DCP2: variants seen among roughly 807,000 people sequenced by gnomAD.
DCP2 encodes the protein decapping mRNA 2.
DCP2 carries 30 observed loss-of-function variants against 56.1 expected under a neutral mutation model. The ratio of observed to expected loss-of-function variants is 0.53; its 90% CI spans 0.40 to 0.73. The LOEUF is 0.73. Ranked by LOEUF, DCP2 falls within the 30% of genes least tolerant of loss-of-function variation. DCP2 has a pLI of 0.00. For missense variants in DCP2, 533 were observed against 502.7 expected (o/e 1.06, Z -0.58); for synonymous variants, 197 against 163.3 (o/e 1.21, Z -1.57).
rs546347855 is a variant in DCP2, at chr5:113,002,306, C to T, written c.806+632C>T. ...GGCGTGGTGGCAGGCACCTGTAATC[C>T]CAGCTTCTCGGGAGGCTGAGGCAGG... On this transcript the variant is annotated intron_variant, in intron 7 of 10. Transcript: ENST00000389063. Among the ~76,000 whole-genome samples, 413 of 151,852 alleles carry T rather than the reference C, an allele frequency of 2.7e-3. 1 individual carries two copies. Among genetic ancestry groups the T allele is most frequent in the Non-Finnish European group, 5.2e-3 (356 of 67,952 alleles).
At position 113,003,768 on chromosome 5, in the gene DCP2, G is replaced by GA. The variant is rs139676099; in HGVS notation, c.807-173dup. Reference sequence around the variant, plus strand: ...TTGAATACCAGGCACTCATCTGGGTGATGAGGATAAAGCAGTGCAGATTAA... The same window carrying GA: ...TTGAATACCAGGCACTCATCTGGGTGAATGAGGATAAAGCAGTGCAGATTAA... On this transcript the variant is annotated intron_variant, in intron 7 of 10. Coordinates refer to ENST00000389063, the MANE Select transcript of DCP2 (RefSeq NM_152624.6). 6.2e-4 allele frequency among the ~76,000 whole-genome samples: 94 copies of GA among 152,298 alleles called. 1 individual carries two copies. The highest frequency in any genetic ancestry group is 2.2e-3 in the African/African-American group (91 of 41,560).
intron 2 of DCP2, among the ~76,000 whole-genome samples, chr5:112,988,291 GC>G (rs1561688358): frequency 1.3e-5 from 2 of 149,798 alleles, no homozygotes; most frequent in African/African-American, 4.9e-5. Flanking sequence ...GACCATCCTG[GC>G]CAACACAGTA....
chr5:113,001,667 A>T lies in DCP2; in HGVS notation c.799A>T (p.Lys267Ter). The T allele has an allele frequency of 6.2e-7, 1 of 1,613,218 alleles. No individual in the cohort carries two copies. Among genetic ancestry groups the T allele is most frequent in the Non-Finnish European group, 8.5e-7 (1 of 1,179,144 alleles). The change falls in exon 7 of 11, where the codon AAA becomes TAA. Residue 267 changes from lysine (K) to a stop codon, truncating the protein, a stop_gained. Transcript: ENST00000389063. LOFTEE classifies it high-confidence loss of function. ...GSTPAKPTVEKLSRTKFRHSQ... is the reference protein window; with the variant it reads ...GSTPAKPTVE The stretch of plus-strand genomic sequence containing the variant: ...CACGCCGGCTAAACCCACTGTGGAA[A>T]AATTGAGGTAAAGAAATACATTCAT...
In DCP2 at chr5:112,976,827, G is replaced by C. The variant is rs751350271; in HGVS notation, c.-107G>C. 1.1e-5 allele frequency: 13 copies of C among 1,145,382 alleles called. No homozygotes were observed. The highest frequency in any genetic ancestry group is 1.7e-5 in the Non-Finnish European group (13 of 752,116). The allele number at this position is 1,145,382 out of a possible 1,614,324, so 71.0% of individuals were successfully genotyped here. ...TCTCCGTTGGAGTCGTCTCTGCCGC[G>C]GCTTCCTCGGCTGCCAGCTCTCCGG... On this transcript the variant is annotated 5_prime_UTR_variant, in exon 1 of 11. Coordinates refer to ENST00000389063, the MANE Select transcript of DCP2 (RefSeq NM_152624.6).
At chr5:113,009,202 A>G (rs1046626767) in intron 9 of DCP2, among the ~76,000 whole-genome samples, 1 of 152,236 alleles carries the variant, frequency 6.6e-6, no homozygotes, top group African/African-American at 2.4e-5. Flanking sequence ...ATTAATGTGT[A>G]CATTTAATAT....
intron 10 of DCP2, among the ~76,000 whole-genome samples, chr5:113,011,639 A>C (rs922395395): frequency 6.6e-6 from 1 of 152,228 alleles, no homozygotes; most frequent in African/African-American, 2.4e-5. Flanking sequence ...ATTTTGAAAG[A>C]GATGCCTTAA....
At chr5:112,983,293 C>T (rs187266718) in intron 1 of DCP2, among the ~76,000 whole-genome samples, 92 of 152,290 alleles carry the variant, frequency 6.0e-4, no homozygotes, top group Non-Finnish European at 3.5e-4. Flanking sequence ...CCCACAAGTC[C>T]CTAAGGCAAT....
At chr5:113,011,276 T>C (rs947261756) in intron 10 of DCP2, among the ~76,000 whole-genome samples, 5 of 152,168 alleles carry the variant, frequency 3.3e-5, no homozygotes, top group African/African-American at 1.2e-4. Flanking sequence ...TTTCCCTCTT[T>C]TGGAGGCAGT....
At chr5:113,002,608 C>G (rs1349072370) in intron 7 of DCP2, among the ~76,000 whole-genome samples, 1 of 152,022 alleles carries the variant, frequency 6.6e-6, no homozygotes, top group Non-Finnish European at 1.5e-5. Flanking sequence ...GCAGCCTTGA[C>G]CTCCTGGACT....
In DCP2 at chr5:112,985,981, A is replaced by C. The variant is rs762363805; in HGVS notation, c.200A>C (p.Lys67Thr). Residue 67 changes from lysine (K) to threonine (T), a missense_variant, in exon 2 of 11, where the codon AAA becomes ACA. Transcript: ENST00000389063. ...LPQCGIRDFA[K>T]AVFSHCPFLL... ...CAGTGTGGGATAAGAGACTTTGCTAAAGCTGATATCCTTTTTATTACTATA... is the reference window on the plus strand; with the variant it reads ...CAGTGTGGGATAAGAGACTTTGCTACAGCTGATATCCTTTTTATTACTATA... 11 of 1,535,822 alleles carry C rather than the reference A, an allele frequency of 7.2e-6. No homozygotes were observed. Among genetic ancestry groups the C allele is most frequent in the Non-Finnish European group, 9.8e-6 (11 of 1,123,192 alleles).
At chr5:112,983,172 A>T (rs944315841) in intron 1 of DCP2, among the ~76,000 whole-genome samples, 4 of 152,240 alleles carry the variant, frequency 2.6e-5, no homozygotes, top group Non-Finnish European at 4.4e-5. Context: ...TCAAAAACTG[A>T]TGAAGTCTGG....
intron 4 of DCP2, among the ~76,000 whole-genome samples, chr5:112,997,305 A>T (rs1580814526): frequency 6.6e-6 from 1 of 152,196 alleles, no homozygotes; most frequent in African/African-American, 2.4e-5. Context: ...TAATAATCTC[A>T]ATTGTATTTT....
intron 10 of DCP2, among the ~76,000 whole-genome samples, chr5:113,012,589 G>A (rs1391942979): frequency 6.6e-6 from 1 of 151,978 alleles, no homozygotes; most frequent in Admixed American, 6.6e-5. Context: ...CAGATAAATT[G>A]GAGTTTTGTT....
At chr5:113,004,732 A>G (rs1478420803) in intron 8 of DCP2, among the ~76,000 whole-genome samples, 3 of 152,168 alleles carry the variant, frequency 2.0e-5, no homozygotes, top group Non-Finnish European at 4.4e-5. Flanking sequence ...CCTCAGCAAA[A>G]TACATGAGAG....
intron 3 of DCP2, 36 bp downstream of exon 3, chr5:112,992,284 G>C (rs553896312): frequency 1.3e-6 from 2 of 1,592,482 alleles, no homozygotes; most frequent in African/African-American, 1.4e-5. Flanking sequence ...TAGTGAAATG[G>C]TGATCGTTAA....
chr5:112,999,787 A>G (rs899030455), intron 4 of DCP2, among the ~76,000 whole-genome samples: 1 of 151,514 alleles, frequency 6.6e-6, no homozygotes, highest in Non-Finnish European at 1.5e-5. Flanking sequence ...GCGGCCGGGC[A>G]TGGTGGCTCA....
rs1221324030 is a variant in DCP2, at chr5:112,976,843, A to C, written c.-91A>C. ...CTCTGCCGCGGCTTCCTCGGCTGCC[A>C]GCTCTCCGGCGAGCCGGAGTCCTAG... On this transcript the variant is annotated 5_prime_UTR_variant, in exon 1 of 11. Coordinates refer to ENST00000389063, the MANE Select transcript of DCP2 (RefSeq NM_152624.6). The C allele has an allele frequency of 7.2e-7, 1 of 1,384,052 alleles. No individual in the cohort carries two copies. The highest frequency in any genetic ancestry group is 1.4e-5 in the African/African-American group (1 of 70,308). 85.7% of individuals were successfully genotyped at this position (1,384,052 alleles called of 1,614,324 possible).
At chr5:112,994,331 C>G (rs1182217413) in intron 4 of DCP2, among the ~76,000 whole-genome samples, 1 of 151,324 alleles carries the variant, frequency 6.6e-6, no homozygotes, top group Non-Finnish European at 1.5e-5. Flanking sequence ...GCCACCATGC[C>G]CAGCTAATTT....
intron 1 of DCP2, among the ~76,000 whole-genome samples, chr5:112,979,015 CTGTTAACGATTTTA>C (rs143290327): frequency 0.015 from 2,311 of 152,190 alleles, 56 homozygotes; most frequent in African/African-American, 0.052. Context: ...GTGATGTCAG[CTGTTAACGATTTTA>C]TGTATGGAAC....
Sources: allele counts gnomAD v4.1 joint callset (sites outside exome capture counted in the v4.1 genomes callset), GRCh38; gene constraint gnomAD v4.1.1; transcripts MANE v1.5; gene names NCBI Gene and HGNC (gene_info 2026-07-23, HGNC 2026-07-21).